The following TIAM1 variants were observed in gnomAD, a reference collection of about 807,000 sequenced individuals.
The protein encoded by TIAM1 is TIAM Rac1 associated GEF 1, also known as rho guanine nucleotide exchange factor TIAM1.
In TIAM1, 65 loss-of-function variants were observed where a neutral mutation model predicts 163.5. That is an observed-to-expected ratio of 0.40 (90% CI 0.33 to 0.49). The LOEUF (loss-of-function observed/expected upper bound fraction) is 0.49. Among genes scored for constraint, TIAM1 ranks in the 20% least tolerant of loss-of-function variants. The pLI, the probability that TIAM1 is intolerant of heterozygous loss-of-function variation, is 0.77. For synonymous variants in TIAM1, 833 were observed against 810.1 expected, an observed-to-expected ratio of 1.03 and a Z score of -0.48; for missense variants, 1,789 against 2,044.7, an observed-to-expected ratio of 0.87 and a Z score of 2.41.
intron 14 of TIAM1, among the ~76,000 whole-genome samples, chr21:31,183,654 G>A (rs2085139520): frequency 6.6e-6 from 1 of 151,884 alleles, no homozygotes; most frequent in Admixed American, 6.6e-5. Context: ...AGAGTCACAT[G>A]CCCTGGACAT....
At chr21:31,159,516 A>T (rs533953677) in intron 16 of TIAM1, among the ~76,000 whole-genome samples, 1 of 152,362 alleles carries the variant, frequency 6.6e-6, no homozygotes, top group South Asian at 2.1e-4. Flanking sequence ...AAAAGGGGCC[A>T]GAGTGGCCTA....
intron 1 of TIAM1, among the ~76,000 whole-genome samples, chr21:31,510,638 C>T (rs2047181672): frequency 6.6e-6 from 1 of 152,014 alleles, no homozygotes; most frequent in South Asian, 2.1e-4. Flanking sequence ...CAAGATGAAA[C>T]CTCGTCTCTA....
chr21:31,272,323 T>C (rs1023772700), intron 3 of TIAM1, among the ~76,000 whole-genome samples: 1 of 152,174 alleles, frequency 6.6e-6, no homozygotes, highest in African/African-American at 2.4e-5. Flanking sequence ...AGTTGGGGAC[T>C]GTCTATACAT....
intron 15 of TIAM1, among the ~76,000 whole-genome samples, chr21:31,177,236 T>C (rs2084805706): frequency 6.6e-6 from 1 of 152,172 alleles, no homozygotes; most frequent in Non-Finnish European, 1.5e-5. Context: ...TATCCCCATT[T>C]TGCAGGTGAG....
intron 1 of TIAM1, among the ~76,000 whole-genome samples, chr21:31,480,692 A>C (rs1274958518): frequency 6.6e-6 from 1 of 152,248 alleles, no homozygotes; most frequent in Non-Finnish European, 1.5e-5. Context: ...CTGGGCTGCC[A>C]TAACAAAATA....
intron 4 of TIAM1, among the ~76,000 whole-genome samples, chr21:31,257,037 GC>G (rs2072152991): frequency 1.3e-5 from 2 of 152,200 alleles, no homozygotes; most frequent in Non-Finnish European, 2.9e-5. Context: ...CAAGGCTGGT[GC>G]CAGCCTAATA....
At chr21:31,194,096 C>T (rs981160703) in intron 13 of TIAM1, among the ~76,000 whole-genome samples, 5 of 151,936 alleles carry the variant, frequency 3.3e-5, no homozygotes, top group African/African-American at 1.2e-4. Context: ...TCGGGCACCC[C>T]TCTCTCTCTG....
Position 31,390,760 on chromosome 21 carries a change from C to T in TIAM1, c.-368-51338G>A, listed in dbSNP as rs78843576. 4.0e-3 allele frequency among the ~76,000 whole-genome samples: 611 copies of T among 152,272 alleles called. 3 individuals carry two copies. Among genetic ancestry groups the T allele is most frequent in the African/African-American group, 0.014 (578 of 41,556 alleles). On this transcript the variant is annotated intron_variant, in intron 2 of 28. Transcript: ENST00000286827. Reference sequence around the variant, plus strand: ...CCAGAGCTTTTTAAATGAACCTATGCCAGGAAACACTGATGTTCACCCATT... The same window carrying T: ...CCAGAGCTTTTTAAATGAACCTATGTCAGGAAACACTGATGTTCACCCATT...
chr21:31,440,619 A>T (rs893060635), intron 2 of TIAM1, among the ~76,000 whole-genome samples: 5 of 152,220 alleles, frequency 3.3e-5, no homozygotes, highest in African/African-American at 1.2e-4. Flanking sequence ...ATGGTGGCTC[A>T]TGCCTGTAAT....
intron 2 of TIAM1, among the ~76,000 whole-genome samples, chr21:31,413,415 A>G (rs2147245046): frequency 6.6e-6 from 1 of 151,826 alleles, no homozygotes; most frequent in African/African-American, 2.4e-5. Context: ...GACTACAGGC[A>G]CATGCCAACA....
chr21:31,203,089 C>G, intron 11 of TIAM1, 77 bp from the exon 12 acceptor site: 1 of 1,136,160 alleles, frequency 8.8e-7, no homozygotes, highest in Non-Finnish European at 1.3e-6. Context: ...CACCAACATA[C>G]GATGTATTCC....
At chr21:31,390,932 G>C (rs1342987388) in intron 2 of TIAM1, among the ~76,000 whole-genome samples, 1 of 152,102 alleles carries the variant, frequency 6.6e-6, no homozygotes, top group Non-Finnish European at 1.5e-5. Context: ...GTAGGACCTG[G>C]GCACGCACAT....
At chr21:31,177,747 C>T (rs146611292) in intron 15 of TIAM1, among the ~76,000 whole-genome samples, 1 of 152,244 alleles carries the variant, frequency 6.6e-6, no homozygotes, top group African/African-American at 2.4e-5. Flanking sequence ...AGAAATAATC[C>T]AACTTTGAAA....
chr21:31,266,687 T>C lies in TIAM1; in HGVS notation c.286A>G (p.Met96Val), dbSNP rs775117405. 9 of 1,614,068 alleles carry C rather than the reference T, an allele frequency of 5.6e-6. No individual in the cohort carries two copies. In the Admixed American group the frequency reaches 8.3e-5, roughly 15 times the overall value. The change falls in exon 4 of 28, where the codon ATG becomes GTG. Residue 96 changes from methionine (M) to valine (V), a missense_variant. By Grantham distance (21) the Met-to-Val change is conservative. Around this residue, in one of 5 missense-constraint regions of TIAM1, gnomAD observed 555 missense variants for 564.9 expected, o/e 0.98. Transcript: ENST00000541036. ...GTGTAAGACACAGGTCTCAAGCCCA[T>C]GTCCACTCGGTCCACCCAGATGGGG... is the stretch of plus-strand genomic sequence containing the variant. ...GSPIWVDRVDMGLRPVSYTDS... is the reference protein window; with the variant it reads ...GSPIWVDRVDVGLRPVSYTDS...
intron 22 of TIAM1, among the ~76,000 whole-genome samples, chr21:31,137,674 G>T (rs2082675854): frequency 2.0e-5 from 3 of 151,740 alleles, no homozygotes. Context: ...CACTAGACTA[G>T]GCAGGGTACA....
chr21:31,420,436 A>T (rs936650678), intron 2 of TIAM1, among the ~76,000 whole-genome samples: 1 of 152,210 alleles, frequency 6.6e-6, no homozygotes, highest in Non-Finnish European at 1.5e-5. Context: ...CTTTCCAGGG[A>T]GGCTTACTTA....
intron 1 of TIAM1, among the ~76,000 whole-genome samples, chr21:31,547,051 T>C (rs1024938636): frequency 1.3e-5 from 2 of 152,182 alleles, no homozygotes; most frequent in Non-Finnish European, 2.9e-5. Context: ...TAAATTCACT[T>C]TTCCTGACTT....
intron 1 of TIAM1, among the ~76,000 whole-genome samples, chr21:31,556,439 T>A (rs1170427184): frequency 1.3e-5 from 2 of 151,190 alleles, no homozygotes; most frequent in African/African-American, 4.8e-5. Context: ...TGTTTGCCTG[T>A]TTTGGCTGGC....
chr21:31,306,120 C>CA (rs34221085), intron 2 of TIAM1, among the ~76,000 whole-genome samples: 87,535 of 151,490 alleles, frequency 0.58, 25,717 homozygotes, highest in South Asian at 0.7. Flanking sequence ...CTCATCTCTA[C>CA]AAAAAATTTA....
Sources: allele counts gnomAD v4.1 joint callset (sites outside exome capture counted in the v4.1 genomes callset), GRCh38; gene constraint gnomAD v4.1.1; regional missense constraint gnomAD v4.1.1; transcripts MANE v1.5; gene names NCBI Gene and HGNC (gene_info 2026-07-23, HGNC 2026-07-21).